The following CDH26 variants were observed in gnomAD, a reference collection of about 807,000 sequenced individuals.
CDH26 encodes cadherin-like protein 26.
A neutral mutation model predicts 90.3 loss-of-function variants in CDH26; 83 were observed. The ratio of observed to expected loss-of-function variants is 0.92; its 90% confidence interval spans 0.77 to 1.10. CDH26 has a LOEUF of 1.10. Among genes scored for constraint, CDH26 ranks in the 50% least tolerant of loss-of-function variants. The pLI, the probability that CDH26 is intolerant of heterozygous loss-of-function variation, is 0.00. For synonymous variants in CDH26, 397 were observed against 396.3 expected, an observed-to-expected ratio of 1.00 and a Z score of -0.02; for missense variants, 1,013 against 1,037.6, an observed-to-expected ratio of 0.98 and a Z score of 0.33.
At position 59,968,015 on chromosome 20, in the gene CDH26, CT is replaced by C. The variant is rs1202926235; in HGVS notation, c.70-949del. On this transcript the variant is annotated intron_variant, in intron 1 of 17. Coordinates refer to ENST00000348616, the MANE Select transcript of CDH26 (RefSeq NM_177980.4). ...TCTTTCTTTCTTTCTTTCTTTCTTC[CT>C]TTCTCTCTGTCTCTCTCTCTCTCTC... Among the ~76,000 whole-genome samples, 399 of 115,374 alleles carry C rather than the reference CT, an allele frequency of 3.5e-3. 20 individuals carry two copies. Among genetic ancestry groups the C allele is most frequent in the African/African-American group, 0.014 (378 of 27,024 alleles). The allele number at this position is 115,374 out of a possible 152,430, so 75.7% of individuals were successfully genotyped here. A position where few individuals can be genotyped will look rare whatever the true frequency, so the allele number is the denominator to read the frequency against.
At position 59,972,040 on chromosome 20, in the gene CDH26, G is replaced by A; in HGVS notation, c.310G>A (p.Gly104Ser). Residue 104 changes from glycine to serine, a missense_variant, in exon 4 of 18, where the codon GGT becomes AGT. Physicochemically the swap from Gly to Ser is moderately conservative, Grantham distance 56 (BLOSUM62 0). Transcript: ENST00000348616. ...TGGTGTGGATGAATATCCAGAGATT[G>A]GTTTGTTTTCTCTAGAAGATCATGA... ...GPGVDEYPEI[G>S]LFSLEDHENG... 6.2e-7 allele frequency: 1 copy of A among 1,613,654 alleles called. No homozygotes were observed. The highest frequency in any genetic ancestry group is 8.5e-7 in the Non-Finnish European group (1 of 1,179,614).
chr20:60,033,659 A>G, exon 9 of CDH26: 5 of 1,304,468 alleles, frequency 3.8e-6, no homozygotes, highest in Non-Finnish European at 5.1e-6. Flanking sequence ...TCACAATTGC[A>G]GGGCTGTCTC....
In CDH26 at chr20:59,958,661, T is replaced by G; in HGVS notation, c.-66T>G. The G allele has an allele frequency of 9.1e-5, 137 of 1,510,608 alleles. No individual in the cohort carries two copies. Among genetic ancestry groups the G allele is most frequent in the Middle Eastern group, 1.7e-4 (1 of 5,854 alleles). The allele number at this position is 1,510,608 out of a possible 1,614,324, so 93.6% of individuals were successfully genotyped here. On this transcript the variant is annotated 5_prime_UTR_variant, in exon 1 of 18. Coordinates refer to ENST00000348616, the MANE Select transcript of CDH26 (RefSeq NM_177980.4). ...CTGAGAAGGAGGTGTGTGGCTCCGG[T>G]GAGACCACCAGCTTGGAGGACTGGT... is the stretch of plus-strand genomic sequence containing the variant.
At chr20:59,994,090 G>A (rs2061560747) in intron 10 of CDH26, 160 bp from the exon 11 acceptor site, 6 of 887,170 alleles carry the variant, frequency 6.8e-6, no homozygotes, top group Admixed American at 5.6e-5. Flanking sequence ...ATAAAAGCAG[G>A]AAAACAGATC....
intron 7 of CDH26, among the ~76,000 whole-genome samples, chr20:60,023,971 GA>G: frequency 8.2e-6 from 1 of 121,324 alleles, no homozygotes; most frequent in Non-Finnish European, 1.9e-5. Context: ...GAGAGAGAGA[GA>G]GAGAGAGAGA....
chr20:60,001,797 T>C (rs2146006582), intron 15 of CDH26, among the ~76,000 whole-genome samples: 1 of 152,366 alleles, frequency 6.6e-6, no homozygotes, highest in South Asian at 2.1e-4. Flanking sequence ...AAGGGAGGCC[T>C]GACTTCCCAT....
intron 7 of CDH26, among the ~76,000 whole-genome samples, chr20:60,026,132 G>A (rs992566575): frequency 2.0e-5 from 3 of 152,108 alleles, no homozygotes; most frequent in South Asian, 2.1e-4. Flanking sequence ...GCCTTAACCC[G>A]CTCTGGGAAG....
intron 7 of CDH26, 106 bp downstream of exon 7, chr20:59,985,235 G>A (rs2145986512): frequency 7.6e-7 from 1 of 1,315,198 alleles, no homozygotes; most frequent in Non-Finnish European, 1.1e-6. Flanking sequence ...TCATATTGCT[G>A]TGAAGAAATA....
rs772280403 is a variant in CDH26 at position 59,994,500 on chromosome 20, G to T, written c.1666+11G>T. On this transcript the variant is annotated intron_variant, in intron 11 of 17. Transcript: ENST00000348616. ...TGGGGAGAAATTGGGGTGAGTTTTT[G>T]TATTGGTTACGGGCAAAGAGTGGAA... 21 of 1,613,162 alleles carry T rather than the reference G, an allele frequency of 1.3e-5. No individual in the cohort carries two copies. The highest frequency in any genetic ancestry group is 1.5e-5 in the Non-Finnish European group (18 of 1,179,628).
downstream of CDH26, among the ~76,000 whole-genome samples, chr20:60,015,310 T>A (rs2146026978): frequency 6.6e-6 from 1 of 152,336 alleles, no homozygotes; most frequent in East Asian, 1.9e-4. Context: ...TTTGACTCTT[T>A]GATAGTAGCT....
intron 1 of CDH26, among the ~76,000 whole-genome samples, chr20:59,967,878 T>TTTCTCTCTCTCTCTCTCTC (rs2061181771): frequency 9.9e-6 from 1 of 101,426 alleles, no homozygotes; most frequent in African/African-American, 7.1e-5. Context: ...TCTTTCTTTC[T>TTTCTCTCTCTCTCTCTCTC]TCCTTCCTTC....
At chr20:60,021,897 C>CACACACACACACACACATATATAT (rs1295572684) in intron 7 of CDH26, among the ~76,000 whole-genome samples, 3 of 78,938 alleles carry the variant, frequency 3.8e-5, no homozygotes, top group African/African-American at 8.0e-5. Context: ...CACACACACA[C>CACACACACACACACACATATATAT]ATATATATAT....
At chr20:59,979,220 G>A (rs1219627049) in intron 4 of CDH26, among the ~76,000 whole-genome samples, 1 of 119,918 alleles carries the variant, frequency 8.3e-6, no homozygotes, top group East Asian at 2.7e-4. Context: ...TTTTTTTTGA[G>A]ACGGAGTCTT....
At chr20:59,969,941 A>G in intron 2 of CDH26, 141 bp from the exon 3 acceptor site, 2 of 1,302,594 alleles carry the variant, frequency 1.5e-6, no homozygotes, top group Non-Finnish European at 2.0e-6. Context: ...GGGTTTTCCA[A>G]GCTTAGGTGG....
In CDH26 at chr20:59,992,215, C is replaced by T. The variant is rs373708625; in HGVS notation, c.1284-163C>T. ...GTCCTCCCTGTGCTTCCATTCCTTT[C>T]GTGAATTAAACACTCTCGTAGTTTA... On this transcript the variant is annotated intron_variant, in intron 9 of 17. Transcript: ENST00000348616. This position sits in a 1 kb window ranked among gnomAD's most constrained non-coding sequence, Gnocchi z 5.0. Among the ~76,000 whole-genome samples, 5 of 152,286 alleles carry T rather than the reference C, an allele frequency of 3.3e-5. No individual in the cohort carries two copies. The highest frequency in any genetic ancestry group is 1.9e-4 in the East Asian group (1 of 5,180).
intron 1 of CDH26, among the ~76,000 whole-genome samples, chr20:59,964,927 T>A (rs2061127385): frequency 6.6e-6 from 1 of 152,232 alleles, no homozygotes; most frequent in South Asian, 2.1e-4. Flanking sequence ...GTTAATAACC[T>A]TGGCCACCTG....
intron 7 of CDH26, among the ~76,000 whole-genome samples, chr20:60,020,456 G>A (rs943619571): frequency 2.6e-5 from 4 of 152,302 alleles, no homozygotes; most frequent in East Asian, 1.9e-4. Context: ...CTGCAAGGCC[G>A]TTTGTCCCAC....
chr20:59,993,125 T>A (rs779173465), intron 10 of CDH26, among the ~76,000 whole-genome samples: 35 of 152,168 alleles, frequency 2.3e-4, no homozygotes, highest in Non-Finnish European at 4.1e-4. Context: ...ACTAGTGGAA[T>A]GTTGGCGGGG....
intron 9 of CDH26, among the ~76,000 whole-genome samples, chr20:59,990,370 A>G (rs948129499): frequency 6.6e-6 from 1 of 152,112 alleles, no homozygotes; most frequent in African/African-American, 2.4e-5. Context: ...GGGGACAGAA[A>G]GGGGTCATGA....
Sources: gnomAD v4.1 joint callset for allele counts (sites outside exome capture counted in the v4.1 genomes callset) on GRCh38, gnomAD v4.1.1 for gene constraint, Gnocchi (gnomAD v3.1) non-coding constraint, MANE v1.5 for transcripts, NCBI Gene and HGNC (gene_info 2026-07-23, HGNC 2026-07-21) for gene names.